Variants in SEPTIN9 observed in about 807,000 individuals in gnomAD.
The protein encoded by SEPTIN9 is septin 9.
A neutral mutation model predicts 56.6 loss-of-function variants in SEPTIN9; 13 were observed. The ratio of observed to expected loss-of-function variants is 0.23; its 90% CI spans 0.15 to 0.37. SEPTIN9 has a LOEUF of 0.37. SEPTIN9 is among the 10% of genes least tolerant of loss of function. The pLI, the probability that SEPTIN9 is intolerant of heterozygous loss-of-function variation, is 1.00. For synonymous variants in SEPTIN9, 332 were observed against 334.1 expected (o/e 0.99, Z 0.07); for missense variants, 650 against 823.1 (o/e 0.79, Z 2.57).
intron 2 of SEPTIN9, among the ~76,000 whole-genome samples, chr17:77,383,276 T>A (rs2035213789): frequency 6.6e-6 from 1 of 151,766 alleles, no homozygotes; most frequent in African/African-American, 2.4e-5. Flanking sequence ...CTCCTGTGAC[T>A]GAGCTTCTCC....
At chr17:77,331,910 T>C (rs142618014) in intron 2 of SEPTIN9, among the ~76,000 whole-genome samples, 237 of 152,344 alleles carry the variant, frequency 1.6e-3, no homozygotes, top group African/African-American at 5.4e-3. Context: ...ATTTTTCCTA[T>C]TTTTGGTTGA....
In SEPTIN9 at chr17:77,311,732, A is replaced by G. The variant is rs578159063; in HGVS notation, c.76+4535A>G. On this transcript the variant is annotated intron_variant, in intron 2 of 11. Coordinates refer to ENST00000427177, the MANE Select transcript of SEPTIN9 (RefSeq NM_001113491.2). ...CAGGGCACCGTGCCACGTTGCCTCA[A>G]TGCACAGAGTAGCTGCTCAAAGTGT... is the stretch of plus-strand genomic sequence containing the variant. Among the ~76,000 whole-genome samples the G allele has an allele frequency of 8.5e-5, 13 of 152,264 alleles. No homozygotes were observed. The East Asian group carries it at 1.7e-3, about 20-fold the overall frequency.
chr17:77,372,567 T>G (rs549475248), intron 2 of SEPTIN9, among the ~76,000 whole-genome samples: 1 of 152,336 alleles, frequency 6.6e-6, no homozygotes, highest in South Asian at 2.1e-4. Flanking sequence ...CAAGGTCTAC[T>G]TCCTGCTCTC....
intron 4 of SEPTIN9, among the ~76,000 whole-genome samples, chr17:77,484,568 GTGATGGTGGTTA>G (rs144969982): frequency 0.025 from 1,058 of 42,910 alleles, 57 homozygotes; most frequent in African/African-American, 0.12. Context: ...GGTGATTGTG[GTGATGGTGGTTA>G]TGATGGTGGT....
intron 3 of SEPTIN9, among the ~76,000 whole-genome samples, chr17:77,408,541 A>T (rs8069165): frequency 0.073 from 11,125 of 152,264 alleles, 1,232 homozygotes; most frequent in African/African-American, 0.23. Context: ...GAATCTCAGC[A>T]CAGACAGCAG....
In SEPTIN9 at chr17:77,491,975, T is replaced by A. The variant is rs778530090; in HGVS notation, c.1381-646T>A. On this transcript the variant is annotated intron_variant, in intron 8 of 11. Coordinates refer to ENST00000427177, the MANE Select transcript of SEPTIN9 (RefSeq NM_001113491.2). ...ACATCAGAGCCACATGGGGTGCCTT[T>A]CAAAATGAAACCGAGGTGCCTGGGC... Among the ~76,000 whole-genome samples the A allele has an allele frequency of 6.9e-4, 105 of 151,868 alleles. 1 individual carries two copies. Among genetic ancestry groups the A allele is most frequent in the South Asian group, 4.2e-4 (2 of 4,804 alleles).
At chr17:77,370,849 C>T (rs937405520) in intron 2 of SEPTIN9, among the ~76,000 whole-genome samples, 3 of 152,056 alleles carry the variant, frequency 2.0e-5, no homozygotes, top group Non-Finnish European at 2.9e-5. Context: ...CAGACTGGAC[C>T]CAGCCCTTAG....
chr17:77,353,201 G>A (rs1002994901), intron 2 of SEPTIN9, among the ~76,000 whole-genome samples: 2 of 152,186 alleles, frequency 1.3e-5, no homozygotes, highest in Non-Finnish European at 2.9e-5. Context: ...AGGGACCTGC[G>A]TGGCAAGAGG....
chr17:77,305,679 C>T (rs1023827465), intron 1 of SEPTIN9, among the ~76,000 whole-genome samples: 3 of 151,626 alleles, frequency 2.0e-5, no homozygotes, highest in Non-Finnish European at 4.4e-5. Context: ...ATACTAGTTC[C>T]GCGAAGGATA....
At chr17:77,491,370 G>A (rs1006639831) in intron 8 of SEPTIN9, among the ~76,000 whole-genome samples, 18 of 151,996 alleles carry the variant, frequency 1.2e-4, no homozygotes, top group Non-Finnish European at 2.5e-4. Flanking sequence ...GCTAATTTTT[G>A]TATTTTTAGT....
At chr17:77,420,696 C>G (rs1320849395) in intron 3 of SEPTIN9, among the ~76,000 whole-genome samples, 1 of 152,176 alleles carries the variant, frequency 6.6e-6, no homozygotes, top group African/African-American at 2.4e-5. Context: ...TCCCCTGCAG[C>G]AGCCAGCTGG....
chr17:77,338,207 G>GA (rs2033615616), intron 2 of SEPTIN9, among the ~76,000 whole-genome samples: 1 of 151,604 alleles, frequency 6.6e-6, no homozygotes, highest in Non-Finnish European at 1.5e-5. Flanking sequence ...AAAAAAAAAA[G>GA]AAAAAAGTTA....
intron 10 of SEPTIN9, chr17:77,496,946 G>C (rs1466931450): frequency 3.1e-6 from 1 of 320,274 alleles, no homozygotes; most frequent in African/African-American, 2.1e-5. Context: ...GGGACGTCCT[G>C]CTCTCCCTGG....
intron 2 of SEPTIN9, chr17:77,373,627 G>A: frequency 1.3e-6 from 2 of 1,520,740 alleles, no homozygotes; most frequent in African/African-American, 1.4e-5. Flanking sequence ...CGCGGGACGG[G>A]GGTGCGCTGA....
intron 3 of SEPTIN9, among the ~76,000 whole-genome samples, chr17:77,412,970 A>G (rs1294216648): frequency 6.6e-6 from 1 of 151,970 alleles, no homozygotes; most frequent in Non-Finnish European, 1.5e-5. Flanking sequence ...CTGTGGTTTC[A>G]TTTTTACATG....
rs368263243 is a variant in SEPTIN9, at chr17:77,300,252, CACT to C, written c.20-6888_20-6886del. 4.2e-3 allele frequency among the ~76,000 whole-genome samples: 646 copies of C among 152,286 alleles called. 2 individuals are homozygous for C. Among genetic ancestry groups the C allele is most frequent in the African/African-American group, 0.014 (601 of 41,546 alleles). On this transcript the variant is annotated intron_variant, in intron 1 of 11. Coordinates refer to ENST00000427177, the MANE Select transcript of SEPTIN9 (RefSeq NM_001113491.2). Reference sequence around the variant, plus strand: ...AGCTGAGATTACAGGCGTGCACCACCACTGAGAACAATGCCTTCTACAGTGTTT... The same window carrying C: ...AGCTGAGATTACAGGCGTGCACCACCGAGAACAATGCCTTCTACAGTGTTT...
intron 3 of SEPTIN9, among the ~76,000 whole-genome samples, chr17:77,415,949 G>C (rs1181805989): frequency 6.6e-6 from 1 of 152,196 alleles, no homozygotes; most frequent in Non-Finnish European, 1.5e-5. Context: ...AAAATGTAAG[G>C]GGACACCAAA....
chr17:77,369,909 G>A lies in SEPTIN9; in HGVS notation c.77-32150G>A, dbSNP rs546546405. On this transcript the variant is annotated intron_variant, in intron 2 of 11. Transcript: ENST00000427177. This position sits in a 1 kb window ranked among gnomAD's most constrained non-coding sequence, Gnocchi z 4.9. ...CACGCTTTGTAAGCTTCATTTCCCC[G>A]GGGCCTGACCTGTGGGGTTTCTCTC... Among the ~76,000 whole-genome samples, 48 of 152,258 alleles carry A rather than the reference G, an allele frequency of 3.2e-4. No individual in the cohort carries two copies. The highest frequency in any genetic ancestry group is 1.0e-3 in the African/African-American group (43 of 41,554).
In SEPTIN9 at chr17:77,475,244, G is replaced by A. The variant is rs1468125740; in HGVS notation, c.722-6900G>A. On this transcript the variant is annotated intron_variant, in intron 3 of 11. Transcript: ENST00000427177. The surrounding 1 kb of genome is among the most constrained non-coding windows in gnomAD (Gnocchi z 4.6). The stretch of plus-strand genomic sequence containing the variant: ...AGGAAACCGCACACATCATTATTCA[G>A]TTACCATCGTGGGGAGACTGTCTGG... The A allele has an allele frequency of 1.5e-6, 2 of 1,352,952 alleles. No individual in the cohort carries two copies. Among genetic ancestry groups the A allele is most frequent in the Non-Finnish European group, 9.5e-7 (1 of 1,052,020 alleles). The allele number at this position is 1,352,952 out of a possible 1,614,324, so 83.8% of individuals were successfully genotyped here.
Sources: allele counts gnomAD v4.1 joint callset (sites outside exome capture counted in the v4.1 genomes callset), GRCh38; gene constraint gnomAD v4.1.1; non-coding constraint Gnocchi (gnomAD v3.1); transcripts MANE v1.5; gene names NCBI Gene and HGNC (gene_info 2026-07-23, HGNC 2026-07-21).